Variants in KCNU1 observed in about 807,000 individuals in gnomAD.
KCNU1 encodes potassium channel subfamily U member 1.
In KCNU1, 93 loss-of-function variants were observed where a neutral mutation model predicts 126.8. The ratio of observed to expected loss-of-function variants is 0.73; its 90% CI spans 0.62 to 0.87. The LOEUF is 0.87. Ranked by LOEUF, KCNU1 falls within the 40% of genes least tolerant of loss-of-function variation. KCNU1 has a pLI of 0.00. For missense variants in KCNU1, 1,330 were observed against 1,367.1 expected, an observed-to-expected ratio of 0.97 and a Z score of 0.43; for synonymous variants, 523 against 494.2, an observed-to-expected ratio of 1.06 and a Z score of -0.77.
At chr8:36,874,377 T>A (rs1806207678) in intron 19 of KCNU1, among the ~76,000 whole-genome samples, 1 of 152,200 alleles carries the variant, frequency 6.6e-6, no homozygotes, top group Non-Finnish European at 1.5e-5. Flanking sequence ...GTGGGGGCAG[T>A]CCTTATGTAA....
chr8:36,842,374 A>G (rs1217401459), intron 16 of KCNU1, among the ~76,000 whole-genome samples: 1 of 152,234 alleles, frequency 6.6e-6, no homozygotes, highest in Non-Finnish European at 1.5e-5. Context: ...AGAAGATGTC[A>G]GTGGGATTGT....
chr8:36,859,985 G>A (rs1322813516), intron 18 of KCNU1, among the ~76,000 whole-genome samples: 2 of 152,032 alleles, frequency 1.3e-5, no homozygotes, highest in Non-Finnish European at 2.9e-5. Flanking sequence ...AAACTCAAAA[G>A]GAATCTTTTT....
intron 17 of KCNU1, 62 bp from the exon 18 acceptor site, chr8:36,845,740 C>A: frequency 6.9e-7 from 1 of 1,446,430 alleles, no homozygotes; most frequent in Non-Finnish European, 9.7e-7. Flanking sequence ...ACTGAGTCAG[C>A]ACCATGCCTC....
At chr8:36,818,775 T>C (rs1000418263) in intron 10 of KCNU1, among the ~76,000 whole-genome samples, 3 of 152,170 alleles carry the variant, frequency 2.0e-5, no homozygotes, top group African/African-American at 7.2e-5. Flanking sequence ...TTATGACATG[T>C]TCAATTCACC....
chr8:36,907,543 A>G (rs1807680109), intron 20 of KCNU1, among the ~76,000 whole-genome samples: 1 of 152,210 alleles, frequency 6.6e-6, no homozygotes, highest in South Asian at 2.1e-4. Context: ...ATATCACTCT[A>G]GGAAGGCTCT....
intron 2 of KCNU1, among the ~76,000 whole-genome samples, chr8:36,803,477 C>T (rs569072536): frequency 6.7e-6 from 1 of 150,290 alleles, no homozygotes; most frequent in East Asian, 1.9e-4. Context: ...TACAGAGGCA[C>T]TGGCATGGTA....
At chr8:36,842,045 G>T (rs539295628) in intron 16 of KCNU1, among the ~76,000 whole-genome samples, 5 of 152,246 alleles carry the variant, frequency 3.3e-5, no homozygotes, top group African/African-American at 1.2e-4. Flanking sequence ...GTTGGCTCAT[G>T]TGTACTTTTT....
At position 36,936,034 on chromosome 8, in the gene KCNU1, C is replaced by T; in HGVS notation, c.*114C>T. On this transcript the variant is annotated 3_prime_UTR_variant, in exon 27 of 27. Coordinates refer to ENST00000399881, the MANE Select transcript of KCNU1 (RefSeq NM_001031836.3). ...AAGCATGCCATTTTTCTGCCCATTG[C>T]TTAGTGGTTCATGAAGGCCACACTG... 2 of 939,498 alleles carry T rather than the reference C, an allele frequency of 2.1e-6. No homozygotes were observed. The highest frequency in any genetic ancestry group is 3.1e-6 in the Non-Finnish European group (2 of 639,982). 58.2% of individuals were successfully genotyped at this position (939,498 alleles called of 1,614,324 possible). A position where few individuals can be genotyped will look rare whatever the true frequency, so the allele number is the denominator to read the frequency against.
Position 36,896,111 on chromosome 8 carries a change from A to ATT in KCNU1, c.2010-9591_2010-9590dup, listed in dbSNP as rs34602024. On this transcript the variant is annotated intron_variant, in intron 19 of 26. Coordinates refer to ENST00000399881, the MANE Select transcript of KCNU1 (RefSeq NM_001031836.3). ...AATTTTTAAAAATCCCTTAAAAATT[A>ATT]TTTTTTTATTAGTAGACCTATAATT... is the stretch of plus-strand genomic sequence containing the variant. Among the ~76,000 whole-genome samples, 246 of 151,768 alleles carry ATT rather than the reference A, an allele frequency of 1.6e-3. 1 individual carries two copies. The highest frequency in any genetic ancestry group is 4.5e-3 in the African/African-American group (186 of 41,504).
intron 19 of KCNU1, among the ~76,000 whole-genome samples, chr8:36,882,865 G>A (rs1641485631): frequency 6.6e-6 from 1 of 152,162 alleles, no homozygotes; most frequent in Non-Finnish European, 1.5e-5. Flanking sequence ...TTACAGGCGT[G>A]AGCCACCAGG....
chr8:36,905,090 T>C (rs1401046469), intron 19 of KCNU1, among the ~76,000 whole-genome samples: 1 of 152,192 alleles, frequency 6.6e-6, no homozygotes, highest in African/African-American at 2.4e-5. Flanking sequence ...GAATACATTA[T>C]GAAACAAGCT....
chr8:36,810,422 A>G (rs372813110), intron 7 of KCNU1, among the ~76,000 whole-genome samples: 4 of 152,034 alleles, frequency 2.6e-5, no homozygotes, highest in Admixed American at 6.6e-5. Context: ...AGGAAAGGAG[A>G]CCTCCAGCAA....
chr8:36,842,170 G>C (rs1340677167), intron 16 of KCNU1, among the ~76,000 whole-genome samples: 1 of 152,182 alleles, frequency 6.6e-6, no homozygotes, highest in Non-Finnish European at 1.5e-5. Flanking sequence ...TGAGGAAATA[G>C]AGTTAAAGAA....
At chr8:36,899,765 A>G (rs2117482244) in intron 19 of KCNU1, among the ~76,000 whole-genome samples, 1 of 152,252 alleles carries the variant, frequency 6.6e-6, no homozygotes, top group South Asian at 2.1e-4. Context: ...AGAGGTGTAG[A>G]AAGTTTTCTG....
intron 19 of KCNU1, among the ~76,000 whole-genome samples, chr8:36,899,781 C>T (rs1411534031): frequency 6.6e-6 from 1 of 152,132 alleles, no homozygotes; most frequent in Non-Finnish European, 1.5e-5. Context: ...TTCTGCACAA[C>T]ATGGAAGGCT....
chr8:36,870,109 G>T (rs1444143773), intron 19 of KCNU1, among the ~76,000 whole-genome samples: 1 of 152,056 alleles, frequency 6.6e-6, no homozygotes, highest in Non-Finnish European at 1.5e-5. Context: ...CTCCTTCCTT[G>T]GCTATTTTCT....
chr8:36,870,718 G>T (rs1165230819), intron 19 of KCNU1, among the ~76,000 whole-genome samples: 5 of 152,136 alleles, frequency 3.3e-5, no homozygotes, highest in Non-Finnish European at 7.3e-5. Flanking sequence ...CTCCAGACAA[G>T]CATAGGCTTT....
intron 10 of KCNU1, 86 bp downstream of exon 10, chr8:36,817,846 A>C: frequency 3.0e-6 from 2 of 670,826 alleles, no homozygotes; most frequent in East Asian, 5.2e-5. Flanking sequence ...TTACCTTCAC[A>C]ATATTTATAG....
Position 36,803,306 on chromosome 8 carries a change from T to C in KCNU1, c.316-721T>C, listed in dbSNP as rs184782286. ...TATTAGAATTACACTGGACTGAACA[T>C]GTTCAAAAGCTGGATGGTTGGAAAC... On this transcript the variant is annotated intron_variant, in intron 2 of 26. Coordinates refer to ENST00000399881, the MANE Select transcript of KCNU1 (RefSeq NM_001031836.3). 4.4e-3 allele frequency among the ~76,000 whole-genome samples: 677 copies of C among 152,304 alleles called. 4 individuals carry two copies. Among genetic ancestry groups the C allele is most frequent in the Non-Finnish European group, 5.8e-3 (397 of 68,032 alleles).
Sources: allele counts gnomAD v4.1 joint callset (sites outside exome capture counted in the v4.1 genomes callset), GRCh38; gene constraint gnomAD v4.1.1; transcripts MANE v1.5; gene names NCBI Gene and HGNC (gene_info 2026-07-23, HGNC 2026-07-21).